The following TMC1 variants were observed in gnomAD, a reference collection of about 807,000 sequenced individuals.
The protein encoded by TMC1 is transmembrane channel-like protein 1.
TMC1 carries 84 observed loss-of-function variants against 105.8 expected under a neutral mutation model. The ratio of observed to expected loss-of-function variants is 0.79; its 90% CI spans 0.67 to 0.95. The LOEUF (loss-of-function observed/expected upper bound fraction) is 0.95, where lower values mean the gene tolerates loss of function less well. Ranked by LOEUF, TMC1 falls within the 40% of genes least tolerant of loss-of-function variation. The pLI is 0.00. For missense variants in TMC1, 817 were observed against 914.1 expected, an observed-to-expected ratio of 0.89 and a Z score of 1.37; for synonymous variants, 315 against 311.5, an observed-to-expected ratio of 1.01 and a Z score of -0.12.
chr9:72,662,361 T>A (rs1416455463), intron 5 of TMC1, among the ~76,000 whole-genome samples: 1 of 151,400 alleles, frequency 6.6e-6, no homozygotes, highest in African/African-American at 2.4e-5. Flanking sequence ...AATTTTTTTT[T>A]TTTTTTTGTA....
Position 72,735,094 on chromosome 9 carries a change from C to G in TMC1, c.363-5025C>G, listed in dbSNP as rs148344997. On this transcript the variant is annotated intron_variant, in intron 8 of 23. Transcript: ENST00000297784. ...ACGGATTGATAAATGAATGATGAGG[C>G]CAGGTATTATTGTCATTAAATAGAC... Among the ~76,000 whole-genome samples the G allele has an allele frequency of 2.0e-4, 31 of 152,292 alleles. No homozygotes were observed. In the East Asian group the frequency reaches 5.8e-3, roughly 28 times the overall value.
chr9:72,674,305 A>G (rs576502746), intron 5 of TMC1, among the ~76,000 whole-genome samples: 2 of 151,800 alleles, frequency 1.3e-5, no homozygotes, highest in East Asian at 3.9e-4. Context: ...AATTTATATG[A>G]AAATGCAAAG....
chr9:72,527,630 C>G (rs529948640), intron 1 of TMC1, among the ~76,000 whole-genome samples: 4 of 152,324 alleles, frequency 2.6e-5, no homozygotes, highest in Non-Finnish European at 4.4e-5. Flanking sequence ...TTTGCAGACG[C>G]TGCCTGCTCC....
intron 23 of TMC1, among the ~76,000 whole-genome samples, chr9:72,835,654 A>T (rs1288665278): frequency 6.6e-6 from 1 of 151,292 alleles, no homozygotes; most frequent in Non-Finnish European, 1.5e-5. Context: ...TGTTGGAAAA[A>T]TATAAAATAT....
At chr9:72,764,287 T>C (rs973912541) in intron 12 of TMC1, among the ~76,000 whole-genome samples, 3 of 152,170 alleles carry the variant, frequency 2.0e-5, no homozygotes, top group African/African-American at 7.2e-5. Flanking sequence ...TCTCGTTTCA[T>C]GTATGAATTC....
intron 5 of TMC1, among the ~76,000 whole-genome samples, chr9:72,685,478 C>A (rs1231020957): frequency 6.6e-6 from 1 of 150,878 alleles, no homozygotes; most frequent in African/African-American, 2.4e-5. Flanking sequence ...ATTCTCCTGA[C>A]TCAGCCTCCT....
chr9:72,727,437 A>T (rs1827141900), intron 8 of TMC1, among the ~76,000 whole-genome samples: 1 of 152,214 alleles, frequency 6.6e-6, no homozygotes, highest in Non-Finnish European at 1.5e-5. Context: ...ACTAAGTAAA[A>T]GGGACAATGA....
intron 12 of TMC1, among the ~76,000 whole-genome samples, chr9:72,766,271 G>A (rs916833192): frequency 2.0e-5 from 3 of 151,976 alleles, no homozygotes; most frequent in Non-Finnish European, 4.4e-5. Flanking sequence ...CAAAAAATTA[G>A]CTGGGCGTGG....
intron 18 of TMC1, among the ~76,000 whole-genome samples, chr9:72,810,895 A>AC (rs535175693): frequency 4.3e-4 from 65 of 152,266 alleles, no homozygotes; most frequent in African/African-American, 1.5e-3. Flanking sequence ...TGTACAAATT[A>AC]TTTTCTTATG....
At position 72,737,831 on chromosome 9, in the gene TMC1, A is replaced by G. The variant is rs144556262; in HGVS notation, c.363-2288A>G. On this transcript the variant is annotated intron_variant, in intron 8 of 23. Coordinates refer to ENST00000297784, the MANE Select transcript of TMC1 (RefSeq NM_138691.3). ...TTGCCATTGCTTTATTGGATATTTT[A>G]GAATGTGCAAAAGGTTTTAGAAATT... Among the ~76,000 whole-genome samples the G allele has an allele frequency of 4.6e-5, 7 of 152,362 alleles. No homozygotes were observed. In the East Asian group the frequency reaches 1.3e-3, roughly 29 times the overall value.
chr9:72,787,987 A>G (rs942210963), intron 13 of TMC1, among the ~76,000 whole-genome samples: 6 of 152,194 alleles, frequency 3.9e-5, no homozygotes, highest in African/African-American at 1.4e-4. Flanking sequence ...GAGGGATTCA[A>G]TAGATTTCAT....
intron 7 of TMC1, among the ~76,000 whole-genome samples, chr9:72,700,243 C>T (rs1281141679): frequency 6.7e-6 from 1 of 148,762 alleles, no homozygotes; most frequent in Non-Finnish European, 1.5e-5. Flanking sequence ...AAGAGCAAAA[C>T]TCCATCTCAA....
intron 19 of TMC1, among the ~76,000 whole-genome samples, chr9:72,819,868 CT>C (rs1564576268): frequency 6.6e-6 from 1 of 152,116 alleles, no homozygotes; most frequent in East Asian, 1.9e-4. Flanking sequence ...CATATATCTT[CT>C]TTTTGATTTT....
At chr9:72,670,242 C>T (rs1826108337) in intron 5 of TMC1, among the ~76,000 whole-genome samples, 2 of 152,132 alleles carry the variant, frequency 1.3e-5, no homozygotes. Flanking sequence ...CTGGGAATAG[C>T]TCCTCTTTCC....
In TMC1 at chr9:72,810,137, A is replaced by T. The variant is rs796957682; in HGVS notation, c.1695+4627A>T. Among the ~76,000 whole-genome samples, 581 of 90,162 alleles carry T rather than the reference A, an allele frequency of 6.4e-3. 2 individuals carry two copies. Among genetic ancestry groups the T allele is most frequent in the African/African-American group, 0.031 (528 of 17,078 alleles). The allele number at this position is 90,162 out of a possible 152,430, so 59.1% of individuals were successfully genotyped here. On this transcript the variant is annotated intron_variant, in intron 18 of 23. Transcript: ENST00000297784. ...AGTGTGGGCAATCCAGGCATAGATT[A>T]AAAAAAAAAAAAAAAAAAACTAAAA...
At chr9:72,751,705 G>A in intron 10 of TMC1, 145 bp from the exon 11 acceptor site, 3 of 646,556 alleles carry the variant, frequency 4.6e-6, no homozygotes, top group Non-Finnish European at 8.3e-6. Flanking sequence ...TGAATAGAGA[G>A]AAAAGAATGC....
chr9:72,588,249 A>C (rs1219630393), intron 2 of TMC1, among the ~76,000 whole-genome samples: 1 of 152,328 alleles, frequency 6.6e-6, no homozygotes, highest in East Asian at 1.9e-4. Flanking sequence ...GCTGTATAAC[A>C]AACTGCCCCA....
intron 2 of TMC1, among the ~76,000 whole-genome samples, chr9:72,597,503 T>A (rs1824739440): frequency 6.6e-6 from 1 of 152,180 alleles, no homozygotes; most frequent in African/African-American, 2.4e-5. Flanking sequence ...GTATGAGATG[T>A]TCCTAGCTAC....
chr9:72,667,476 C>T (rs1826062307), intron 5 of TMC1, among the ~76,000 whole-genome samples: 1 of 152,182 alleles, frequency 6.6e-6, no homozygotes, highest in Non-Finnish European at 1.5e-5. Flanking sequence ...GCTCATGTTC[C>T]TTCCTTTTTG....
Sources: gnomAD v4.1 joint callset for allele counts (sites outside exome capture counted in the v4.1 genomes callset) on GRCh38, gnomAD v4.1.1 for gene constraint, MANE v1.5 for transcripts, NCBI Gene and HGNC (gene_info 2026-07-23, HGNC 2026-07-21) for gene names.